TOPBP1: variants seen among roughly 807,000 people sequenced by gnomAD.
TOPBP1 encodes the protein DNA topoisomerase II binding protein 1, also known as DNA topoisomerase 2-binding protein 1.
TOPBP1 carries 28 observed loss-of-function variants against 167.7 expected under a neutral mutation model. The ratio of observed to expected loss-of-function variants is 0.17; its 90% CI spans 0.12 to 0.23. TOPBP1 has a LOEUF of 0.23. Among genes scored for constraint, TOPBP1 ranks in the 10% least tolerant of loss-of-function variants. TOPBP1 has a pLI of 1.00. For synonymous variants in TOPBP1, 598 were observed against 611.4 expected (o/e 0.98, Z 0.32); for missense variants, 1,554 against 1,809.6 (o/e 0.86, Z 2.56).
intron 11 of TOPBP1, 144 bp from the exon 12 acceptor site, chr3:133,643,516 C>T (rs1169995078): frequency 3.3e-6 from 2 of 608,756 alleles, no homozygotes; most frequent in Non-Finnish European, 5.6e-6. Context: ...ATTCTCAATA[C>T]ATTTCATATC....
At position 133,640,178 on chromosome 3, in the gene TOPBP1, TTA is replaced by T; in HGVS notation, c.2022-10_2022-9del. 6.2e-7 allele frequency: 1 copy of T among 1,607,726 alleles called. No homozygotes were observed. Among genetic ancestry groups the T allele is most frequent in the Non-Finnish European group, 8.5e-7 (1 of 1,176,402 alleles). The stretch of plus-strand genomic sequence containing the variant: ...ACAAAGTATTCTTGAACACTGAAAT[TTA>T]TGTTTAAAGAAGTGGAAATGGTCAC... On this transcript the variant is annotated splice_polypyrimidine_tract_variant and intron_variant, in intron 12 of 27. Coordinates refer to ENST00000260810, the MANE Select transcript of TOPBP1 (RefSeq NM_007027.4).
intron 21 of TOPBP1, 49 bp downstream of exon 21, chr3:133,618,164 G>A (rs1388758260): frequency 2.7e-6 from 4 of 1,475,782 alleles, no homozygotes; most frequent in Non-Finnish European, 3.8e-6. Flanking sequence ...TTTTTAAGAG[G>A]TCAACATGTA....
At chr3:133,609,948 G>A (rs1934618448) in intron 25 of TOPBP1, among the ~76,000 whole-genome samples, 2 of 152,174 alleles carry the variant, frequency 1.3e-5, no homozygotes, top group South Asian at 4.1e-4. Context: ...CCTTATGGGT[G>A]ATTTTTAGAA....
intron 25 of TOPBP1, among the ~76,000 whole-genome samples, 199 bp from the exon 26 acceptor site, chr3:133,609,161 C>A (rs765074224): frequency 6.6e-6 from 1 of 152,100 alleles, no homozygotes; most frequent in African/African-American, 2.4e-5. Context: ...TCAAGAAATA[C>A]GTGAGGAATG....
chr3:133,628,276 G>A, intron 16 of TOPBP1, 86 bp downstream of exon 16: 1 of 1,207,158 alleles, frequency 8.3e-7, no homozygotes, highest in South Asian at 1.4e-5. Flanking sequence ...CAAAATAAAT[G>A]TATTCTTGTA....
At chr3:133,614,547 ACT>A (rs1235271209) in intron 23 of TOPBP1, among the ~76,000 whole-genome samples, 1 of 152,036 alleles carries the variant, frequency 6.6e-6, no homozygotes, top group Non-Finnish European at 1.5e-5. Flanking sequence ...GAGTTACAAG[ACT>A]CTGAATTCCA....
At chr3:133,606,502 T>A (rs1458109847) in intron 27 of TOPBP1, among the ~76,000 whole-genome samples, 2 of 150,878 alleles carry the variant, frequency 1.3e-5, no homozygotes, top group African/African-American at 2.4e-5. Context: ...GGCCTTTTTT[T>A]TTTTTTTTTT....
rs1227419282 is a variant in TOPBP1 at position 133,638,072 on chromosome 3, T to C, written c.2324A>G (p.Lys775Arg). ...CATATCTAAAGGTGTAACGACGGTT[T>C]TTCTGTGAGTTTGCAGGCGTGTGCC... ...HPGTRLQTHR[K>R]TVVTPLDMNR... is the part of the protein sequence containing the mutation. The change falls in exon 14 of 28, where the codon AAA (lysine) becomes AGA (arginine). Residue 775 changes from lysine to arginine, a missense_variant. This residue lies in a region of TOPBP1 where 1,197 missense variants were observed against 1,351.5 expected (regional missense o/e 0.89). Transcript: ENST00000260810. The C allele has an allele frequency of 6.2e-7, 1 of 1,614,016 alleles. No homozygotes were observed. The highest frequency in any genetic ancestry group is 2.2e-5 in the East Asian group (1 of 44,894).
chr3:133,619,666 A>ATTGAATTAAACAATTGTAATTAAAATAG (rs1465635655), intron 20 of TOPBP1, among the ~76,000 whole-genome samples: 1 of 152,266 alleles, frequency 6.6e-6, no homozygotes, highest in Non-Finnish European at 1.5e-5. Context: ...TTTAATACAA[A>ATTGAATTAAACAATTGTAATTAAAATAG]TACTATTGAA....
At chr3:133,603,655 A>G (rs1934389470) in intron 27 of TOPBP1, among the ~76,000 whole-genome samples, 1 of 152,182 alleles carries the variant, frequency 6.6e-6, no homozygotes, top group Non-Finnish European at 1.5e-5. Context: ...GAAATTATAT[A>G]TGGGTAAACA....
chr3:133,623,397 T>C lies in TOPBP1; in HGVS notation c.2989A>G (p.Met997Val). The C allele has an allele frequency of 6.2e-7, 1 of 1,613,224 alleles. No homozygotes were observed. Among genetic ancestry groups the C allele is most frequent in the African/African-American group, 1.3e-5 (1 of 75,026 alleles). The change falls in exon 18 of 28, where the codon ATG (methionine) becomes GTG (valine). Residue 997 changes from methionine to valine, a missense_variant. This residue lies in a region of TOPBP1 where 1,197 missense variants were observed against 1,351.5 expected (regional missense o/e 0.89). Coordinates refer to ENST00000260810, the MANE Select transcript of TOPBP1 (RefSeq NM_007027.4). ...TGCACTGCGCTGATATCCAAGCTCA[T>C]TTTGGGATTATAAGTATGTGGATAA... ...SLYPHTYNPK[M>V]SLDISAVQDG...
chr3:133,651,292 T>C (rs986367731), intron 8 of TOPBP1, among the ~76,000 whole-genome samples: 11 of 151,294 alleles, frequency 7.3e-5, no homozygotes, highest in African/African-American at 2.7e-4. Flanking sequence ...GTTCAAGTGA[T>C]TCTCCTACCT....
At chr3:133,611,334 C>T (rs1206274550) in intron 24 of TOPBP1, among the ~76,000 whole-genome samples, 193 bp from the exon 25 acceptor site, 2 of 152,168 alleles carry the variant, frequency 1.3e-5, no homozygotes, top group African/African-American at 4.8e-5. Flanking sequence ...ATATAAGAGT[C>T]AAGTATATTT....
intron 19 of TOPBP1, 137 bp from the exon 20 acceptor site, chr3:133,620,484 G>A: frequency 6.0e-6 from 5 of 834,048 alleles, no homozygotes; most frequent in Non-Finnish European, 9.1e-6. Context: ...ACAGGCTATA[G>A]TAATGTACTA....
intron 16 of TOPBP1, among the ~76,000 whole-genome samples, chr3:133,625,185 G>A (rs1576292779): frequency 1.3e-5 from 2 of 152,090 alleles, no homozygotes; most frequent in East Asian, 3.9e-4. Flanking sequence ...CAGTGGTCTC[G>A]AACTCCTGAC....
chr3:133,605,448 G>A (rs916710884), intron 27 of TOPBP1, among the ~76,000 whole-genome samples: 14 of 151,176 alleles, frequency 9.3e-5, no homozygotes, highest in African/African-American at 2.2e-4. Context: ...TTAATATGGC[G>A]TGATCAAGTG....
At chr3:133,627,480 G>A (rs1475449649) in intron 16 of TOPBP1, among the ~76,000 whole-genome samples, 1 of 152,138 alleles carries the variant, frequency 6.6e-6, no homozygotes, top group African/African-American at 2.4e-5. Context: ...CCGTAGAAGA[G>A]CTTCACTATT....
chr3:133,603,932 T>G (rs751823778), intron 27 of TOPBP1, among the ~76,000 whole-genome samples: 2 of 151,866 alleles, frequency 1.3e-5, no homozygotes, highest in Non-Finnish European at 2.9e-5. Context: ...AGCTGGGTGA[T>G]AAAACAAGTC....
In TOPBP1 at chr3:133,649,455, C is replaced by T; in HGVS notation, c.1432G>A (p.Ala478Thr). The T allele has an allele frequency of 5.0e-6, 8 of 1,613,906 alleles. No homozygotes were observed. The highest frequency in any genetic ancestry group is 6.8e-6 in the Non-Finnish European group (8 of 1,179,868). The change falls in exon 10 of 28, where the codon GCT (alanine) becomes ACT (threonine). Residue 478 changes from alanine (A) to threonine (T), a missense_variant. Around this residue, in one of 3 missense-constraint regions of TOPBP1, gnomAD observed 1,197 missense variants for 1,351.5 expected, o/e 0.89. Coordinates refer to ENST00000260810, the MANE Select transcript of TOPBP1 (RefSeq NM_007027.4). ...KNSSFSKKDFAPSEKHEQADE... is the reference protein window; with the variant it reads ...KNSSFSKKDFTPSEKHEQADE... ...GCTTGCTCATGCTTTTCACTAGGAG[C>T]AAAGTCTTTCTTAGAGAAGCTGCTG...
Sources: gnomAD v4.1 joint callset for allele counts (sites outside exome capture counted in the v4.1 genomes callset) on GRCh38, gnomAD v4.1.1 for gene constraint, gnomAD v4.1.1 regional missense constraint, MANE v1.5 for transcripts, NCBI Gene and HGNC (gene_info 2026-07-23, HGNC 2026-07-21) for gene names.